The following ATP11C variants were observed in gnomAD, a reference collection of about 807,000 sequenced individuals.
ATP11C encodes the protein ATPase phospholipid transporting 11C (ATP11C blood group).
Under a neutral mutation model 97.4 loss-of-function variants are expected in ATP11C, and 36 were observed. The observed-to-expected ratio is 0.37, with a 90% CI of 0.28 to 0.49. The LOEUF (loss-of-function observed/expected upper bound fraction) is 0.49. ATP11C is among the 20% of genes least tolerant of loss of function. The probability of loss-of-function intolerance (pLI) is 0.98; values close to 1 mark genes in which losing one functional copy is unlikely to be tolerated. For synonymous variants in ATP11C, 275 were observed against 290.9 expected (o/e 0.95, Z 0.56); for missense variants, 730 against 824.6 (o/e 0.89, Z 1.40).
At chrX:139,768,110 C>G in intron 20 of ATP11C, 150 bp downstream of exon 20, 1 of 366,239 alleles carries the variant, frequency 2.7e-6, no homozygotes, top group Non-Finnish European at 4.3e-6. Context: ...ACTTCTGAGT[C>G]TGATTACAAA....
At chrX:139,868,914 G>A (rs73243386) in intron 1 of ATP11C, among the ~76,000 whole-genome samples, 1,483 of 111,445 alleles carry the variant, frequency 0.013, 30 homozygotes, top group East Asian at 0.12. Context: ...AAACCATAAT[G>A]AGGTATCACT....
At position 139,868,515 on chromosome X, in the gene ATP11C, A is replaced by C. The variant is rs762309770; in HGVS notation, c.28-41692T>G. 2.8e-5 allele frequency among the ~76,000 whole-genome samples: 3 copies of C among 108,226 alleles called. No individual in the cohort carries two copies. In the South Asian group the frequency reaches 1.2e-3, roughly 45 times the overall value. The allele number at this position is 108,226 out of a possible 115,157, so 94.0% of individuals were successfully genotyped here. A position where few individuals can be genotyped will look rare whatever the true frequency, so the allele number is the denominator to read the frequency against. On this transcript the variant is annotated intron_variant, in intron 1 of 29. Transcript: ENST00000682941. ...TGGATCACCTGAGGTCAGGAGTTCA[A>C]GACCAGTCTGACCAATATGGTGAAA...
At chrX:139,771,872 C>T (rs1262287302) in intron 19 of ATP11C, among the ~76,000 whole-genome samples, 2 of 112,067 alleles carry the variant, frequency 1.8e-5, no homozygotes, top group Middle Eastern at 8.4e-3. Flanking sequence ...AAATTTGCAG[C>T]CTGATGATGC....
intron 22 of ATP11C, among the ~76,000 whole-genome samples, chrX:139,759,923 T>C (rs1253006425): frequency 8.9e-6 from 1 of 111,921 alleles, no homozygotes; most frequent in African/African-American, 3.3e-5. Flanking sequence ...AGAGGCAAAA[T>C]AAGCCTCTGA....
At chrX:139,929,130 A>G (rs1182377224) in intron 1 of ATP11C, among the ~76,000 whole-genome samples, 1 of 111,987 alleles carries the variant, frequency 8.9e-6, no homozygotes, top group African/African-American at 3.2e-5. Context: ...GTACAGACAG[A>G]GTTATTATTA....
intron 1 of ATP11C, among the ~76,000 whole-genome samples, chrX:139,869,829 TA>T (rs1248068898): frequency 4.9e-5 from 4 of 82,393 alleles, no homozygotes; most frequent in Non-Finnish European, 9.2e-5. Context: ...TATAATATAA[TA>T]AGTTCTGGGA....
chrX:139,880,295 G>A (rs751344622), intron 1 of ATP11C, among the ~76,000 whole-genome samples: 81 of 111,796 alleles, frequency 7.2e-4, no homozygotes, highest in Non-Finnish European at 1.1e-3. Context: ...AAGGCTTAAA[G>A]AAGATAGAGA....
intron 1 of ATP11C, among the ~76,000 whole-genome samples, chrX:139,862,563 ATTGT>A (rs2084218759): frequency 8.9e-6 from 1 of 111,885 alleles, no homozygotes; most frequent in Admixed American, 9.5e-5. Flanking sequence ...TTCTGTGTTG[ATTGT>A]TGTTGTGTTG....
chrX:139,918,856 A>C (rs779006344), intron 1 of ATP11C, among the ~76,000 whole-genome samples: 60 of 111,045 alleles, frequency 5.4e-4, no homozygotes, highest in Non-Finnish European at 9.4e-4. Flanking sequence ...AAAGTTCTAG[A>C]GATCTGTTGC....
At chrX:139,787,979 CA>C (rs1437307235) in intron 14 of ATP11C, among the ~76,000 whole-genome samples, 1 of 112,338 alleles carries the variant, frequency 8.9e-6, no homozygotes, top group Non-Finnish European at 1.9e-5. Flanking sequence ...AATAGTAAGG[CA>C]AGTAATACCT....
chrX:139,869,035 T>G (rs938140262), intron 1 of ATP11C, among the ~76,000 whole-genome samples: 6 of 112,401 alleles, frequency 5.3e-5, no homozygotes, highest in Non-Finnish European at 9.4e-5. Context: ...TGTAAAATGG[T>G]GCAGCTGCTA....
chrX:139,874,536 A>G (rs957430294), intron 1 of ATP11C, among the ~76,000 whole-genome samples: 4 of 112,247 alleles, frequency 3.6e-5, no homozygotes, highest in African/African-American at 1.3e-4. Flanking sequence ...GCAAAAGTGC[A>G]AGAGGACAAG....
chrX:139,836,618 G>A (rs1431648091), intron 1 of ATP11C, among the ~76,000 whole-genome samples: 1 of 111,680 alleles, frequency 9.0e-6, no homozygotes, highest in African/African-American at 3.3e-5. Context: ...AGGTTCATGT[G>A]CTAATGCCTT....
At chrX:139,752,168 T>C (rs747309204) in intron 23 of ATP11C, among the ~76,000 whole-genome samples, 1 of 111,392 alleles carries the variant, frequency 9.0e-6, no homozygotes, top group African/African-American at 3.3e-5. Context: ...CAGAGAGACC[T>C]TTTCAGATGT....
At chrX:139,844,826 C>A (rs2083886983) in intron 1 of ATP11C, among the ~76,000 whole-genome samples, 2 of 111,855 alleles carry the variant, frequency 1.8e-5, no homozygotes, top group South Asian at 7.5e-4. Flanking sequence ...TATCTCAGTT[C>A]CCCCTCTCTG....
chrX:139,779,140 G>A (rs1465527451), intron 18 of ATP11C, among the ~76,000 whole-genome samples: 1 of 111,251 alleles, frequency 9.0e-6, no homozygotes, highest in Admixed American at 9.5e-5. Context: ...CAATATTGGG[G>A]GATTTTAAGA....
At chrX:139,924,316 A>G in intron 1 of ATP11C, 1 of 341,339 alleles carries the variant, frequency 2.9e-6, no homozygotes. Context: ...AATGACCCAT[A>G]ATCTAGAAGC....
intron 1 of ATP11C, among the ~76,000 whole-genome samples, chrX:139,852,351 G>A (rs1307426321): frequency 2.0e-5 from 2 of 102,369 alleles, no homozygotes; most frequent in African/African-American, 3.5e-5. Flanking sequence ...CTCCTGGGGT[G>A]GTCTCTGGTT....
intron 1 of ATP11C, among the ~76,000 whole-genome samples, chrX:139,891,068 T>A (rs1220680311): frequency 1.8e-5 from 2 of 110,275 alleles, no homozygotes; most frequent in African/African-American, 6.6e-5. Flanking sequence ...GAAGGCTTCA[T>A]GAGTTATGCC....
Sources: allele counts gnomAD v4.1 joint callset (sites outside exome capture counted in the v4.1 genomes callset), GRCh38; gene constraint gnomAD v4.1.1; transcripts MANE v1.5; gene names NCBI Gene and HGNC (gene_info 2026-07-23, HGNC 2026-07-21).